The following ZIC1 variants were observed in gnomAD, a reference collection of about 807,000 sequenced individuals.
ZIC1 encodes the protein Zic family zinc finger 1.
Under a neutral mutation model 30.9 loss-of-function variants are expected in ZIC1, and 4 were observed. The ratio of observed to expected loss-of-function variants is 0.13; its 90% CI spans 0.06 to 0.30. ZIC1 has a LOEUF of 0.30. Ranked by LOEUF, ZIC1 falls within the 10% of genes least tolerant of loss-of-function variation. The pLI, the probability that ZIC1 is intolerant of heterozygous loss-of-function variation, is 1.00. For missense variants in ZIC1, 441 were observed against 639.3 expected (o/e 0.69, Z 3.34); for synonymous variants, 305 against 277.5 (o/e 1.10, Z -0.98).
rs1013772436 is a variant in ZIC1, at chr3:147,410,101, C to G, written c.-12C>G. 83 of 1,493,584 alleles carry G rather than the reference C, an allele frequency of 5.6e-5. No homozygotes were observed. The highest frequency in any genetic ancestry group is 1.2e-4 in the South Asian group (9 of 74,686). 92.5% of individuals were successfully genotyped at this position (1,493,584 alleles called of 1,614,324 possible). On this transcript the variant is annotated 5_prime_UTR_variant, in exon 1 of 3. Coordinates refer to ENST00000282928, the MANE Select transcript of ZIC1 (RefSeq NM_003412.4). ...GGGCGGGGGAGGCCGGGGCTCGCCC[C>G]GAGCAGCCACGATGCTCCTGGACGC...
chr3:147,414,280 A>C lies in ZIC1; in HGVS notation c.*729A>C, dbSNP rs1304274168. On this transcript the variant is annotated 3_prime_UTR_variant, in exon 3 of 3. Coordinates refer to ENST00000282928, the MANE Select transcript of ZIC1 (RefSeq NM_003412.4). Reference sequence around the variant, plus strand: ...AATGTTGTTTCATGTCCTGTCAAGAATTCGTATAGTACGAGCCTGGATCTG... The same window carrying C: ...AATGTTGTTTCATGTCCTGTCAAGACTTCGTATAGTACGAGCCTGGATCTG... 2.0e-5 allele frequency: 3 copies of C among 152,546 alleles called. No individual in the cohort carries two copies. Among genetic ancestry groups the C allele is most frequent in the South Asian group, 4.1e-4 (2 of 4,828 alleles). The allele number at this position is 152,546 out of a possible 1,614,324, so 9.4% of individuals were successfully genotyped here.
Position 147,410,518 on chromosome 3 carries a change from G to A in ZIC1, c.406G>A (p.Asp136Asn), listed in dbSNP as rs1257473788. The part of the protein sequence containing the change: ...GGFGGPHGHT[D>N]AAGHLLFPGL... ...CTTCGGGGGCCCACACGGCCACACG[G>A]ACGCCGCGGGCCACCTCCTCTTCCC... Residue 136 changes from aspartate to asparagine, a missense_variant, in exon 1 of 3, where the codon GAC becomes AAC. Coordinates refer to ENST00000282928, the MANE Select transcript of ZIC1 (RefSeq NM_003412.4). 5.0e-6 allele frequency: 8 copies of A among 1,608,306 alleles called. No individual in the cohort carries two copies. The highest frequency in any genetic ancestry group is 6.8e-6 in the Non-Finnish European group (8 of 1,178,956).
chr3:147,410,492 G>A lies in ZIC1; in HGVS notation c.380G>A (p.Gly127Asp). 1 of 1,606,946 alleles carries A rather than the reference G, an allele frequency of 6.2e-7. No homozygotes were observed. Among genetic ancestry groups the A allele is most frequent in the Non-Finnish European group, 8.5e-7 (1 of 1,178,916 alleles). ...QHSLFAASAG[G>D]FGGPHGHTDA... is the part of the protein sequence containing the mutation. ...AGCCTCTTTGCTGCATCGGCCGGGGGCTTCGGGGGCCCACACGGCCACACG... is the reference window on the plus strand; with the variant it reads ...AGCCTCTTTGCTGCATCGGCCGGGGACTTCGGGGGCCCACACGGCCACACG... Residue 127 changes from glycine (G) to aspartate (D), a missense_variant, in exon 1 of 3, where the codon GGC becomes GAC. Physicochemically the swap from Gly to Asp is moderately conservative, Grantham distance 94. This residue lies in a region of ZIC1 where 307 missense variants were observed against 355.3 expected (regional missense o/e 0.86). Transcript: ENST00000282928.
chr3:147,413,634 G>A lies in ZIC1; in HGVS notation c.*83G>A, dbSNP rs1450940978. 28 of 1,497,858 alleles carry A rather than the reference G, an allele frequency of 1.9e-5. No individual in the cohort carries two copies. Among genetic ancestry groups the A allele is most frequent in the Non-Finnish European group, 2.4e-5 (27 of 1,107,414 alleles). 92.8% of individuals were successfully genotyped at this position (1,497,858 alleles called of 1,614,324 possible). A position where few individuals can be genotyped will look rare whatever the true frequency, so the allele number is the denominator to read the frequency against. ...CACAACATTACTGAAAGAACCCTGCGAATCAAAACAACCCCCACACAGACC... is the reference window on the plus strand; with the variant it reads ...CACAACATTACTGAAAGAACCCTGCAAATCAAAACAACCCCCACACAGACC... On this transcript the variant is annotated 3_prime_UTR_variant, in exon 3 of 3. Coordinates refer to ENST00000282928, the MANE Select transcript of ZIC1 (RefSeq NM_003412.4).
intron 2 of ZIC1, among the ~76,000 whole-genome samples, 187 bp downstream of exon 2, chr3:147,412,868 A>G (rs1292157718): frequency 6.6e-6 from 1 of 152,202 alleles, no homozygotes; most frequent in East Asian, 1.9e-4. Context: ...GGAGTGTCCA[A>G]GGCCGTTTTA....
chr3:147,413,276 C>A, intron 2 of ZIC1, 78 bp from the exon 3 acceptor site: 1 of 1,493,466 alleles, frequency 6.7e-7, no homozygotes, highest in Non-Finnish European at 9.1e-7. Context: ...GGAGGAAGGG[C>A]ACTCGCGGCC....
In ZIC1 at chr3:147,410,126, C is replaced by T. The variant is rs1306824734; in HGVS notation, c.14C>T (p.Ala5Val). ...CGAGCAGCCACGATGCTCCTGGACG[C>T]CGGCCCCCAGTACCCAGCGATCGGC... MLLD[A>V]GPQYPAIGVT... The change falls in exon 1 of 3, where the codon GCC (alanine) becomes GTC (valine). Residue 5 changes from alanine (A) to valine (V), a missense_variant. By Grantham distance (64) the Ala-to-Val change is moderately conservative. Around this residue, in one of 5 missense-constraint regions of ZIC1, gnomAD observed 307 missense variants for 355.3 expected, o/e 0.86. Transcript: ENST00000282928. 6.4e-7 allele frequency: 1 copy of T among 1,562,640 alleles called. No individual in the cohort carries two copies. The highest frequency in any genetic ancestry group is 1.8e-5 in the Admixed American group (1 of 56,486).
Position 147,410,420 on chromosome 3 carries a change from G to A in ZIC1, c.308G>A (p.Arg103His). The A allele has an allele frequency of 6.2e-7, 1 of 1,603,444 alleles. No individual in the cohort carries two copies. Among genetic ancestry groups the A allele is most frequent in the Non-Finnish European group, 8.5e-7 (1 of 1,179,660 alleles). The change falls in exon 1 of 3, where the codon CGC becomes CAC. Residue 103 changes from arginine (R) to histidine (H), a missense_variant. Physicochemically the swap from Arg to His is conservative, Grantham distance 29. Transcript: ENST00000282928. ...AACTCCACGCGGGACTTTCTGTTCC[G>A]CAACCGGGGTTTTGGCGACGCGGCG... ...AFNSTRDFLF[R>H]NRGFGDAAAA...
chr3:147,409,995 T>G lies in ZIC1; in HGVS notation c.-118T>G. ...AGGTGGGTCGACTCCCCCTCCCTCCTCCTCTTCTTCCTCCTCTTCCTCCTC... is the reference window on the plus strand; with the variant it reads ...AGGTGGGTCGACTCCCCCTCCCTCCGCCTCTTCTTCCTCCTCTTCCTCCTC... On this transcript the variant is annotated 5_prime_UTR_variant, in exon 1 of 3. Transcript: ENST00000282928. 1 of 1,130,450 alleles carries G rather than the reference T, an allele frequency of 8.8e-7. No individual in the cohort carries two copies. Among genetic ancestry groups the G allele is most frequent in the Non-Finnish European group, 1.2e-6 (1 of 843,626 alleles). 70.0% of individuals were successfully genotyped at this position (1,130,450 alleles called of 1,614,324 possible). A position where few individuals can be genotyped will look rare whatever the true frequency, so the allele number is the denominator to read the frequency against.
rs1369924542 is a variant in ZIC1 at position 147,413,723 on chromosome 3, C to T, written c.*172C>T. On this transcript the variant is annotated 3_prime_UTR_variant, in exon 3 of 3. Coordinates refer to ENST00000282928, the MANE Select transcript of ZIC1 (RefSeq NM_003412.4). ...GACGAGTAAGAGAGGAAGCATCAAC[C>T]TTTTAAAAATTTCCTTTCGCTTTCA... 1.4e-6 allele frequency: 1 copy of T among 706,148 alleles called. No individual in the cohort carries two copies. Among genetic ancestry groups the T allele is most frequent in the East Asian group, 3.3e-5 (1 of 30,172 alleles). 43.7% of individuals were successfully genotyped at this position (706,148 alleles called of 1,614,324 possible).
chr3:147,410,616 G>A lies in ZIC1; in HGVS notation c.504G>A (p.Ser168=). ...ACGGGCAGATGAGGCTCGGCTTCTC[G>A]GGGGACATGTACCCGCGACCGGAGC... The part of the protein sequence containing the change: ...VVNGQMRLGF[S]GDMYPRPEQY... The change falls in exon 1 of 3, where the codon TCG becomes TCA. Residue 168 remains serine (S), a synonymous_variant. Transcript: ENST00000282928. The A allele has an allele frequency of 3.7e-6, 6 of 1,613,256 alleles. No homozygotes were observed. Among genetic ancestry groups the A allele is most frequent in the Non-Finnish European group, 5.1e-6 (6 of 1,179,870 alleles).
rs146769270 is a variant in ZIC1 at position 147,411,295 on chromosome 3, C to T, written c.982+201C>T. On this transcript the variant is annotated intron_variant, in intron 1 of 2. Coordinates refer to ENST00000282928, the MANE Select transcript of ZIC1 (RefSeq NM_003412.4). ...AACACACACACACACACAGGGCGGA[C>T]GAGGAGGAGCTGGGTATATAGATTT... Among the ~76,000 whole-genome samples the T allele has an allele frequency of 1.8e-3, 273 of 152,150 alleles. 1 individual carries two copies. Among genetic ancestry groups the T allele is most frequent in the Non-Finnish European group, 1.6e-3 (109 of 67,994 alleles).
chr3:147,415,001 T>C lies in ZIC1; in HGVS notation c.*1450T>C, dbSNP rs1309650844. 1 of 152,652 alleles carries C rather than the reference T, an allele frequency of 6.6e-6. No individual in the cohort carries two copies. The highest frequency in any genetic ancestry group is 1.9e-4 in the East Asian group (1 of 5,202). The allele number at this position is 152,652 out of a possible 1,614,324, so 9.5% of individuals were successfully genotyped here. Reference sequence around the variant, plus strand: ...CAGATTTACAATATCATATTTTAAATTGCTGTCTTCAATTAAACCATTTAT... The same window carrying C: ...CAGATTTACAATATCATATTTTAAACTGCTGTCTTCAATTAAACCATTTAT... On this transcript the variant is annotated 3_prime_UTR_variant, in exon 3 of 3. Coordinates refer to ENST00000282928, the MANE Select transcript of ZIC1 (RefSeq NM_003412.4).
Position 147,410,404 on chromosome 3 carries a change from C to G in ZIC1, c.292C>G (p.Arg98Gly), listed in dbSNP as rs1327116105. ...TTCCAGCGCAGCCTTCAACTCCACGCGGGACTTTCTGTTCCGCAACCGGGG... is the reference window on the plus strand; with the variant it reads ...TTCCAGCGCAGCCTTCAACTCCACGGGGGACTTTCTGTTCCGCAACCGGGG... ...SYSSAAFNST[R>G]DFLFRNRGFG... Residue 98 changes from arginine to glycine, a missense_variant, in exon 1 of 3, where the codon CGG becomes GGG. This residue lies in a region of ZIC1 where 307 missense variants were observed against 355.3 expected (regional missense o/e 0.86). Coordinates refer to ENST00000282928, the MANE Select transcript of ZIC1 (RefSeq NM_003412.4). The G allele has an allele frequency of 1.2e-6, 2 of 1,603,056 alleles. No homozygotes were observed. The highest frequency in any genetic ancestry group is 1.7e-6 in the Non-Finnish European group (2 of 1,179,696).
chr3:147,409,862 G>A lies in ZIC1; in HGVS notation c.-251G>A. 1 of 494,388 alleles carries A rather than the reference G, an allele frequency of 2.0e-6. No individual in the cohort carries two copies. Among genetic ancestry groups the A allele is most frequent in the Non-Finnish European group, 3.5e-6 (1 of 284,072 alleles). The allele number at this position is 494,388 out of a possible 1,614,324, so 30.6% of individuals were successfully genotyped here. A position where few individuals can be genotyped will look rare whatever the true frequency, so the allele number is the denominator to read the frequency against. On this transcript the variant is annotated 5_prime_UTR_variant, in exon 1 of 3. Coordinates refer to ENST00000282928, the MANE Select transcript of ZIC1 (RefSeq NM_003412.4). ...CGGGCCGGCAGAATCTGCCTGGCGG[G>A]CGCTGGAGCCTGCGTTACTCGCGGC...
chr3:147,412,741 G>A, intron 2 of ZIC1, 60 bp downstream of exon 2: 11 of 1,570,298 alleles, frequency 7.0e-6, no homozygotes, highest in Admixed American at 1.9e-5. Flanking sequence ...TCTCGGCTTG[G>A]GGTCGGGCGG....
intron 1 of ZIC1, among the ~76,000 whole-genome samples, chr3:147,411,495 C>T (rs1386953296): frequency 6.6e-6 from 1 of 152,132 alleles, no homozygotes; most frequent in East Asian, 1.9e-4. Flanking sequence ...TCTCTCCGTG[C>T]ACTTCACTGA....
intron 1 of ZIC1, 70 bp from the exon 2 acceptor site, chr3:147,412,448 G>T: frequency 6.4e-7 from 1 of 1,568,154 alleles, no homozygotes; most frequent in East Asian, 2.3e-5. Flanking sequence ...TTTTCTATTT[G>T]TTTAGTTTTT....
intron 1 of ZIC1, among the ~76,000 whole-genome samples, chr3:147,412,165 C>G (rs1184395589): frequency 6.6e-6 from 1 of 151,814 alleles, no homozygotes; most frequent in African/African-American, 2.4e-5. Flanking sequence ...AAGCCGCAAA[C>G]GTGAAAACTA....
Sources: allele counts gnomAD v4.1 joint callset (sites outside exome capture counted in the v4.1 genomes callset), GRCh38; gene constraint gnomAD v4.1.1; regional missense constraint gnomAD v4.1.1; transcripts MANE v1.5; gene names NCBI Gene and HGNC (gene_info 2026-07-23, HGNC 2026-07-21).